The following PCDHGA8 variants were observed in gnomAD, a reference collection of about 807,000 sequenced individuals.
The protein encoded by PCDHGA8 is protocadherin gamma-A8.
PCDHGA8 carries 45 observed loss-of-function variants against 59.2 expected under a neutral mutation model. The ratio of observed to expected loss-of-function variants is 0.76; its 90% CI spans 0.60 to 0.98. The LOEUF (loss-of-function observed/expected upper bound fraction) is 0.98, where lower values mean the gene tolerates loss of function less well. Among genes scored for constraint, PCDHGA8 ranks in the 50% least tolerant of loss-of-function variants. PCDHGA8 has a pLI of 0.00. For synonymous variants in PCDHGA8, 531 were observed against 519.0 expected, an observed-to-expected ratio of 1.02 and a Z score of -0.32; for missense variants, 1,257 against 1,196.2, an observed-to-expected ratio of 1.05 and a Z score of -0.75.
At chr5:141,408,723 C>G (rs1365936782) in intron 1 of PCDHGA8, 3 of 1,611,058 alleles carry the variant, frequency 1.9e-6, no homozygotes, top group Non-Finnish European at 2.5e-6. Flanking sequence ...AAGATAAACT[C>G]TAATCCTTAT....
rs370237298 is a variant in PCDHGA8 at position 141,487,298 on chromosome 5, G to A, written c.2425-7509G>A. ...TTGCTTTGTCTCCTTTGGCTCATTCGTGGCACTACTCTCTAAGTGTCTTCG... is the reference window on the plus strand; with the variant it reads ...TTGCTTTGTCTCCTTTGGCTCATTCATGGCACTACTCTCTAAGTGTCTTCG... On this transcript the variant is annotated intron_variant, in intron 1 of 3. Coordinates refer to ENST00000398604, the MANE Select transcript of PCDHGA8 (RefSeq NM_032088.2). The surrounding 1 kb of genome is among the most constrained non-coding windows in gnomAD (Gnocchi z 5.0). The A allele has an allele frequency of 3.2e-5, 51 of 1,614,072 alleles. 1 individual carries two copies. Among genetic ancestry groups the A allele is most frequent in the South Asian group, 5.5e-5 (5 of 91,082 alleles).
chr5:141,491,434 A>T lies in PCDHGA8; in HGVS notation c.2425-3373A>T. 6.2e-7 allele frequency: 1 copy of T among 1,614,032 alleles called. No homozygotes were observed. Among genetic ancestry groups the T allele is most frequent in the Non-Finnish European group, 8.5e-7 (1 of 1,179,988 alleles). On this transcript the variant is annotated intron_variant, in intron 1 of 3. Transcript: ENST00000398604. The surrounding 1 kb of genome is among the most constrained non-coding windows in gnomAD (Gnocchi z 6.9). ...GGACGGGGGTGGAGGGCAGTGCTGC[A>T]GGCGCCAGGACTCACCCTCCCCGGA...
chr5:141,435,897 A>G (rs1206255678), intron 1 of PCDHGA8, among the ~76,000 whole-genome samples: 2 of 152,166 alleles, frequency 1.3e-5, no homozygotes, highest in East Asian at 1.9e-4. Context: ...TAGAGAATGA[A>G]AGACATCCAA....
intron 1 of PCDHGA8, among the ~76,000 whole-genome samples, chr5:141,454,626 G>A (rs1206050863): frequency 6.6e-6 from 1 of 151,304 alleles, no homozygotes; most frequent in African/African-American, 2.4e-5. Flanking sequence ...GGCTGGTCTC[G>A]AACCCCCAAC....
intron 1 of PCDHGA8, chr5:141,418,463 C>A (rs1046926260): frequency 1.2e-6 from 2 of 1,613,826 alleles, no homozygotes; most frequent in Non-Finnish European, 1.7e-6. Context: ...GACTCTGGAC[C>A]GAGAAACGCA....
At position 141,491,423 on chromosome 5, in the gene PCDHGA8, G is replaced by A; in HGVS notation, c.2425-3384G>A. The A allele has an allele frequency of 3.1e-6, 5 of 1,614,126 alleles. No homozygotes were observed. Among genetic ancestry groups the A allele is most frequent in the Non-Finnish European group, 4.2e-6 (5 of 1,180,036 alleles). ...AACGCAGACGGGGACGGGGGTGGAGGGCAGTGCTGCAGGCGCCAGGACTCA... is the reference window on the plus strand; with the variant it reads ...AACGCAGACGGGGACGGGGGTGGAGAGCAGTGCTGCAGGCGCCAGGACTCA... On this transcript the variant is annotated intron_variant, in intron 1 of 3. Transcript: ENST00000398604. The surrounding 1 kb of genome is among the most constrained non-coding windows in gnomAD (Gnocchi z 6.9).
chr5:141,455,936 C>T (rs1194722770), intron 1 of PCDHGA8, among the ~76,000 whole-genome samples: 3 of 151,422 alleles, frequency 2.0e-5, no homozygotes, highest in East Asian at 3.9e-4. Flanking sequence ...CTCGCTCTGT[C>T]GCCCAGGCTG....
chr5:141,421,374 C>T, intron 1 of PCDHGA8: 1 of 1,614,062 alleles, frequency 6.2e-7, no homozygotes, highest in Non-Finnish European at 8.5e-7. Flanking sequence ...TGGGCAATAT[C>T]TCCAAGGACC....
chr5:141,491,513 A>C lies in PCDHGA8; in HGVS notation c.2425-3294A>C, dbSNP rs1163218369. On this transcript the variant is annotated intron_variant, in intron 1 of 3. Coordinates refer to ENST00000398604, the MANE Select transcript of PCDHGA8 (RefSeq NM_032088.2). The surrounding 1 kb of genome is among the most constrained non-coding windows in gnomAD (Gnocchi z 6.9). ...CAGGTGAGCTCGGACGGCACGCTCAAGTACATGGAGGTGACGCTGCGGCCC... is the reference window on the plus strand; with the variant it reads ...CAGGTGAGCTCGGACGGCACGCTCACGTACATGGAGGTGACGCTGCGGCCC... The C allele has an allele frequency of 6.2e-7, 1 of 1,613,934 alleles. No individual in the cohort carries two copies. Among genetic ancestry groups the C allele is most frequent in the East Asian group, 2.2e-5 (1 of 44,888 alleles).
At position 141,431,982 on chromosome 5, in the gene PCDHGA8, T is replaced by G. The variant is rs2097433926; in HGVS notation, c.2424+36745T>G. The G allele has an allele frequency of 6.2e-7, 1 of 1,614,212 alleles. No homozygotes were observed. Among genetic ancestry groups the G allele is most frequent in the African/African-American group, 1.3e-5 (1 of 75,056 alleles). ...AATTACTATAGTTTAGTCACAGACA[T>G]AGTCTTGGATAGGGAACAGGTTCCT... On this transcript the variant is annotated intron_variant, in intron 1 of 3. Transcript: ENST00000398604. The surrounding 1 kb of genome is among the most constrained non-coding windows in gnomAD (Gnocchi z 4.8).
In PCDHGA8 at chr5:141,505,466, T is replaced by C. The variant is rs763151131; in HGVS notation, c.2557T>C (p.Leu853=). 1 of 1,614,200 alleles carries C rather than the reference T, an allele frequency of 6.2e-7. No individual in the cohort carries two copies. The highest frequency in any genetic ancestry group is 1.3e-5 in the African/African-American group (1 of 75,068). The part of the protein sequence containing the change: ...FDTEMLQAMI[L]ASASEAADGS... Reference sequence around the variant, plus strand: ...CACAGAGATGCTGCAAGCCATGATCTTGGCGTCCGCCAGTGGTAAGTGGTG... The same window carrying C: ...CACAGAGATGCTGCAAGCCATGATCCTGGCGTCCGCCAGTGGTAAGTGGTG... The change falls in exon 3 of 4, where the codon TTG becomes CTG. Residue 853 remains leucine, a synonymous_variant. Transcript: ENST00000398604.
rs142329128 is a variant in PCDHGA8, at chr5:141,439,495, C to T, written c.2424+44258C>T. Among the ~76,000 whole-genome samples the T allele has an allele frequency of 9.7e-4, 147 of 152,324 alleles. 1 individual carries two copies. The highest frequency in any genetic ancestry group is 3.4e-3 in the African/African-American group (140 of 41,568). ...TCAGCTTGCAAATTCCAGTGAGAAACGTCTTTCTCTCTGCTCTCAACTAAC... is the reference window on the plus strand; with the variant it reads ...TCAGCTTGCAAATTCCAGTGAGAAATGTCTTTCTCTCTGCTCTCAACTAAC... On this transcript the variant is annotated intron_variant, in intron 1 of 3. Coordinates refer to ENST00000398604, the MANE Select transcript of PCDHGA8 (RefSeq NM_032088.2).
chr5:141,423,699 T>C, intron 1 of PCDHGA8: 1 of 1,469,146 alleles, frequency 6.8e-7, no homozygotes, highest in East Asian at 2.5e-5. Context: ...GTTGGTGTCT[T>C]GGCACAAGTC....
intron 1 of PCDHGA8, chr5:141,421,487 C>A (rs1447180364): frequency 6.2e-7 from 1 of 1,613,976 alleles, no homozygotes; most frequent in East Asian, 2.2e-5. Context: ...AGCTTGATCA[C>A]GGCAGGCAGG....
chr5:141,497,031 A>G (rs898409925), intron 2 of PCDHGA8, among the ~76,000 whole-genome samples: 14 of 152,184 alleles, frequency 9.2e-5, no homozygotes, highest in African/African-American at 3.4e-4. Context: ...TCGATTAAAA[A>G]TACAAAAATT....
At position 141,486,238 on chromosome 5, in the gene PCDHGA8, G is replaced by C. The variant is rs1414434705; in HGVS notation, c.2425-8569G>C. 6.2e-7 allele frequency: 1 copy of C among 1,614,058 alleles called. No homozygotes were observed. The highest frequency in any genetic ancestry group is 8.5e-7 in the Non-Finnish European group (1 of 1,180,024). On this transcript the variant is annotated intron_variant, in intron 1 of 3. Coordinates refer to ENST00000398604, the MANE Select transcript of PCDHGA8 (RefSeq NM_032088.2). This position sits in a 1 kb window ranked among gnomAD's most constrained non-coding sequence, Gnocchi z 5.0. ...CCCCTTACATCACAGTGACCTCAGA[G>C]CTTGGAACCCTCCCCGAGAGTGCAG... is the stretch of plus-strand genomic sequence containing the variant.
chr5:141,400,126 G>C, intron 1 of PCDHGA8: 1 of 1,614,090 alleles, frequency 6.2e-7, no homozygotes. Context: ...CTTGCAGGAG[G>C]TGCTGCCGGA....
intron 1 of PCDHGA8, chr5:141,419,333 A>T (rs1219255880): frequency 6.2e-7 from 1 of 1,613,804 alleles, no homozygotes; most frequent in South Asian, 1.1e-5. Context: ...CTACTCTCTC[A>T]TTGCCAGCGA....
At chr5:141,427,776 G>T (rs3828681) in intron 1 of PCDHGA8, 8 of 1,424,704 alleles carry the variant, frequency 5.6e-6, no homozygotes, top group Non-Finnish European at 9.8e-7. Context: ...GGAGCTGCGG[G>T]CACTGTCGTC....
Sources: gnomAD v4.1 joint callset for allele counts (sites outside exome capture counted in the v4.1 genomes callset) on GRCh38, gnomAD v4.1.1 for gene constraint, Gnocchi (gnomAD v3.1) non-coding constraint, MANE v1.5 for transcripts, NCBI Gene and HGNC (gene_info 2026-07-23, HGNC 2026-07-21) for gene names.